CA10: variants seen among roughly 807,000 people sequenced by gnomAD.
CA10 encodes carbonic anhydrase-related protein 10.
In CA10, 14 loss-of-function variants were observed where a neutral mutation model predicts 44.2. The observed-to-expected ratio is 0.32, with a 90% CI of 0.21 to 0.50. CA10 has a LOEUF of 0.50. CA10 is among the 20% of genes least tolerant of loss of function. The pLI, the probability that CA10 is intolerant of heterozygous loss-of-function variation, is 0.99. For missense variants in CA10, 350 were observed against 409.7 expected (o/e 0.85, Z 1.26); for synonymous variants, 159 against 141.6 (o/e 1.12, Z -0.87).
At chr17:51,938,823 AT>A (rs1186788307) in intron 2 of CA10, among the ~76,000 whole-genome samples, 1 of 152,064 alleles carries the variant, frequency 6.6e-6, no homozygotes, top group Non-Finnish European at 1.5e-5. Flanking sequence ...AATCCTCCTC[AT>A]TATTATTATT....
intron 4 of CA10, among the ~76,000 whole-genome samples, chr17:51,689,691 TC>T (rs1185949384): frequency 6.6e-6 from 1 of 152,184 alleles, no homozygotes; most frequent in Non-Finnish European, 1.5e-5. Flanking sequence ...ATTTGAGCTG[TC>T]CCCAGCCTCC....
At chr17:51,731,653 T>TAAAAAA (rs371165542) in intron 4 of CA10, among the ~76,000 whole-genome samples, 35 of 109,166 alleles carry the variant, frequency 3.2e-4, no homozygotes, top group African/African-American at 1.0e-3. Flanking sequence ...AAGGGGCTGG[T>TAAAAAA]AAAAAAAAAA....
At chr17:51,700,564 C>T (rs1018944434) in intron 4 of CA10, among the ~76,000 whole-genome samples, 1 of 152,138 alleles carries the variant, frequency 6.6e-6, no homozygotes, top group South Asian at 2.1e-4. Context: ...TGGCTCACCC[C>T]CTCATGGCCT....
intron 3 of CA10, among the ~76,000 whole-genome samples, chr17:51,780,912 T>C (rs1257093953): frequency 1.3e-5 from 2 of 152,214 alleles, no homozygotes; most frequent in Non-Finnish European, 2.9e-5. Context: ...TCTGTTGTGG[T>C]AGCATGACAA....
At chr17:51,663,181 G>T (rs551706919) in intron 4 of CA10, among the ~76,000 whole-genome samples, 1 of 139,400 alleles carries the variant, frequency 7.2e-6, no homozygotes, top group East Asian at 2.0e-4. Flanking sequence ...TAAAGAATCA[G>T]GGAAGTTCCG....
At chr17:51,851,395 G>C (rs1224328806) in intron 3 of CA10, among the ~76,000 whole-genome samples, 1 of 152,118 alleles carries the variant, frequency 6.6e-6, no homozygotes, top group South Asian at 2.1e-4. Context: ...TCAAACCTCA[G>C]CTCTGCCATT....
chr17:51,863,025 G>A (rs778642615), intron 3 of CA10, among the ~76,000 whole-genome samples: 3 of 152,150 alleles, frequency 2.0e-5, no homozygotes, highest in Non-Finnish European at 2.9e-5. Context: ...TGAAGCAAAG[G>A]TGTGGCAACT....
intron 4 of CA10, among the ~76,000 whole-genome samples, chr17:51,719,126 T>C (rs895911468): frequency 6.6e-6 from 1 of 152,132 alleles, no homozygotes; most frequent in Admixed American, 6.5e-5. Context: ...TGATGAATCA[T>C]AAAATCTCAC....
At chr17:51,659,152 C>T (rs530206532) in intron 4 of CA10, among the ~76,000 whole-genome samples, 3 of 152,122 alleles carry the variant, frequency 2.0e-5, no homozygotes, top group Admixed American at 6.5e-5. Flanking sequence ...AAGATCTGGC[C>T]TTATCAGCGA....
intron 2 of CA10, among the ~76,000 whole-genome samples, chr17:51,973,453 C>G (rs1183372664): frequency 6.6e-6 from 1 of 152,198 alleles, no homozygotes; most frequent in Admixed American, 6.5e-5. Flanking sequence ...GTGAGTATTA[C>G]AGTGTACATA....
In CA10 at chr17:51,751,269, G is replaced by T. The variant is rs562330219; in HGVS notation, c.280-3451C>A. 2.0e-5 allele frequency among the ~76,000 whole-genome samples: 3 copies of T among 152,264 alleles called. No individual in the cohort carries two copies. The East Asian group carries it at 5.8e-4, about 29-fold the overall frequency. The stretch of plus-strand genomic sequence containing the variant: ...TCGTGATTGCCAGGGACTGAGGGAG[G>T]GAGGAAGAGAGAGTTAGTATTTAAT... On this transcript the variant is annotated intron_variant, in intron 3 of 8. Transcript: ENST00000451037.
At chr17:51,889,404 G>A (rs1415778816) in intron 3 of CA10, among the ~76,000 whole-genome samples, 1 of 152,080 alleles carries the variant, frequency 6.6e-6, no homozygotes, top group African/African-American at 2.4e-5. Flanking sequence ...AACACCCATA[G>A]TCCCAGCTAA....
intron 2 of CA10, among the ~76,000 whole-genome samples, chr17:52,049,056 A>G (rs145051903): frequency 6.6e-6 from 1 of 152,248 alleles, no homozygotes; most frequent in African/African-American, 2.4e-5. Flanking sequence ...TATAAGAATT[A>G]TTTTGTAGTT....
At chr17:52,136,370 G>A (rs567363241) in intron 1 of CA10, among the ~76,000 whole-genome samples, 179 of 152,254 alleles carry the variant, frequency 1.2e-3, no homozygotes, top group African/African-American at 3.8e-3. Context: ...TGGGGCCCTC[G>A]GAATGGGGAG....
intron 1 of CA10, among the ~76,000 whole-genome samples, chr17:52,077,087 A>T (rs147573698): frequency 2.0e-4 from 30 of 152,362 alleles, no homozygotes; most frequent in Non-Finnish European, 3.2e-4. Flanking sequence ...TCACTGTGGC[A>T]GTTTGAGAAC....
intron 6 of CA10, among the ~76,000 whole-genome samples, chr17:51,639,916 G>A (rs1413298581): frequency 1.3e-5 from 2 of 152,162 alleles, no homozygotes; most frequent in African/African-American, 4.8e-5. Flanking sequence ...GAATAAACAG[G>A]ATCATGCTTT....
At chr17:51,758,656 G>A (rs1001763539) in intron 3 of CA10, among the ~76,000 whole-genome samples, 17 of 152,070 alleles carry the variant, frequency 1.1e-4, no homozygotes, top group South Asian at 4.1e-4. Flanking sequence ...GTAGGTTTCC[G>A]GGGGGTGAGT....
At chr17:51,868,722 T>C (rs1979664919) in intron 3 of CA10, among the ~76,000 whole-genome samples, 1 of 152,084 alleles carries the variant, frequency 6.6e-6, no homozygotes, top group South Asian at 2.1e-4. Context: ...CCTTATGACC[T>C]TCCTTTACAA....
At chr17:51,803,373 C>T (rs146298859) in intron 3 of CA10, among the ~76,000 whole-genome samples, 55 of 152,282 alleles carry the variant, frequency 3.6e-4, no homozygotes, top group African/African-American at 1.2e-3. Flanking sequence ...CAGCATCTCC[C>T]GCTCCTGCAT....
Sources: gnomAD v4.1 joint callset for allele counts (sites outside exome capture counted in the v4.1 genomes callset) on GRCh38, gnomAD v4.1.1 for gene constraint, MANE v1.5 for transcripts, NCBI Gene and HGNC (gene_info 2026-07-23, HGNC 2026-07-21) for gene names.